Variants in NOL4L observed in about 807,000 individuals in gnomAD.
NOL4L encodes the protein nucleolar protein 4 like.
Under a neutral mutation model 64.5 loss-of-function variants are expected in NOL4L, and 7 were observed. The observed-to-expected ratio is 0.11, with a 90% CI of 0.06 to 0.20. The LOEUF (loss-of-function observed/expected upper bound fraction) is 0.20. NOL4L is among the 10% of genes least tolerant of loss of function. The probability of loss-of-function intolerance (pLI) is 1.00; values close to 1 mark genes in which losing one functional copy is unlikely to be tolerated. For missense variants in NOL4L, 680 were observed against 967.1 expected, an observed-to-expected ratio of 0.70 and a Z score of 3.94; for synonymous variants, 413 against 401.0, an observed-to-expected ratio of 1.03 and a Z score of -0.36.
chr20:32,564,735 T>C (rs1979313768), intron 1 of NOL4L, among the ~76,000 whole-genome samples: 1 of 152,220 alleles, frequency 6.6e-6, no homozygotes, highest in Non-Finnish European at 1.5e-5. Context: ...GTCTGGCCCT[T>C]CAAGGTGCTG....
chr20:32,484,952 A>G (rs1166014083), intron 4 of NOL4L, among the ~76,000 whole-genome samples: 1 of 146,588 alleles, frequency 6.8e-6, no homozygotes, highest in Non-Finnish European at 1.5e-5. Context: ...TTCCCACCCC[A>G]CCCCTCCAAA....
At chr20:32,558,935 C>T (rs561994683) in intron 1 of NOL4L, among the ~76,000 whole-genome samples, 2 of 152,188 alleles carry the variant, frequency 1.3e-5, no homozygotes, top group Non-Finnish European at 2.9e-5. Flanking sequence ...CCGCCGAGAA[C>T]CAGTGCAAGG....
intron 4 of NOL4L, among the ~76,000 whole-genome samples, chr20:32,480,330 C>T (rs1241889257): frequency 1.3e-5 from 2 of 152,186 alleles, no homozygotes; most frequent in Non-Finnish European, 2.9e-5. Context: ...TGACCAGGAG[C>T]CCTGGGTGTG....
chr20:32,454,122 A>C, intron 6 of NOL4L: 1 of 214,502 alleles, frequency 4.7e-6, no homozygotes, highest in Non-Finnish European at 9.4e-6. Flanking sequence ...CATGGAAAGG[A>C]CTCCCACCAC....
chr20:32,541,428 T>A (rs1196422473), intron 1 of NOL4L, among the ~76,000 whole-genome samples: 1 of 152,182 alleles, frequency 6.6e-6, no homozygotes, highest in Non-Finnish European at 1.5e-5. Flanking sequence ...AGGATCCCAG[T>A]CAAGTGCTCC....
intron 1 of NOL4L, among the ~76,000 whole-genome samples, chr20:32,574,507 C>T (rs996097601): frequency 2.0e-5 from 3 of 152,176 alleles, no homozygotes; most frequent in African/African-American, 4.8e-5. Context: ...CAGGGGCTCT[C>T]GGAAACACCC....
intron 1 of NOL4L, among the ~76,000 whole-genome samples, chr20:32,580,571 C>T (rs1339171432): frequency 6.6e-6 from 1 of 152,198 alleles, no homozygotes; most frequent in Non-Finnish European, 1.5e-5. Context: ...GTCCAGCTTG[C>T]AAAAGCCTGG....
At chr20:32,519,042 C>G (rs1267083388) in intron 3 of NOL4L, among the ~76,000 whole-genome samples, 1 of 152,230 alleles carries the variant, frequency 6.6e-6, no homozygotes, top group East Asian at 1.9e-4. Context: ...CCCCATTTCA[C>G]AGATGAGGGA....
chr20:32,462,232 G>T (rs1190976031), intron 5 of NOL4L, among the ~76,000 whole-genome samples: 3 of 152,228 alleles, frequency 2.0e-5, no homozygotes, highest in Non-Finnish European at 4.4e-5. Flanking sequence ...TAGAGGTTTT[G>T]GTGAGGGAGC....
chr20:32,473,764 CCCT>C (rs2015192229), intron 5 of NOL4L, among the ~76,000 whole-genome samples: 1 of 152,198 alleles, frequency 6.6e-6, no homozygotes, highest in African/African-American at 2.4e-5. Flanking sequence ...GACCTTCAAC[CCCT>C]CCTAATTGCT....
At chr20:32,518,555 G>A (rs1245859203) in intron 3 of NOL4L, among the ~76,000 whole-genome samples, 6 of 152,268 alleles carry the variant, frequency 3.9e-5, no homozygotes, top group Non-Finnish European at 8.8e-5. Context: ...TGTGTGGCAG[G>A]AGAGGGGAGC....
At chr20:32,514,736 G>A (rs1032279588) in intron 3 of NOL4L, among the ~76,000 whole-genome samples, 1 of 152,106 alleles carries the variant, frequency 6.6e-6, no homozygotes, top group Non-Finnish European at 1.5e-5. Flanking sequence ...CACATGTCAG[G>A]CAGGCAGTCT....
chr20:32,557,402 G>A lies in NOL4L; in HGVS notation c.321+27168C>T, dbSNP rs368664078. 3.3e-5 allele frequency among the ~76,000 whole-genome samples: 5 copies of A among 152,338 alleles called. No individual in the cohort carries two copies. The East Asian group carries it at 9.6e-4, about 29-fold the overall frequency. ...TATTTACTGCTTATACAGAAGAGACGCTCTGAAGGCAGAAGCCTCCTTGGC... is the reference window on the plus strand; with the variant it reads ...TATTTACTGCTTATACAGAAGAGACACTCTGAAGGCAGAAGCCTCCTTGGC... On this transcript the variant is annotated intron_variant, in intron 1 of 10. Transcript: ENST00000621426.
At chr20:32,540,525 A>G (rs1177087202) in intron 1 of NOL4L, among the ~76,000 whole-genome samples, 1 of 151,950 alleles carries the variant, frequency 6.6e-6, no homozygotes, top group African/African-American at 2.4e-5. Flanking sequence ...CGGCCCCCAC[A>G]CCTGCCCAGC....
At chr20:32,487,360 T>G (rs2145507755) in intron 4 of NOL4L, among the ~76,000 whole-genome samples, 1 of 16,898 alleles carries the variant, frequency 5.9e-5, no homozygotes, top group Admixed American at 8.0e-4. Flanking sequence ...GGACAAGGGG[T>G]GGGGGAGAGG....
chr20:32,458,250 G>A (rs1377645105), intron 5 of NOL4L, among the ~76,000 whole-genome samples: 7 of 152,208 alleles, frequency 4.6e-5, no homozygotes, highest in Non-Finnish European at 1.0e-4. Context: ...CCCCAGCCCA[G>A]CCTCACTATC....
At chr20:32,518,476 G>A (rs1389839560) in intron 3 of NOL4L, among the ~76,000 whole-genome samples, 1 of 152,228 alleles carries the variant, frequency 6.6e-6, no homozygotes, top group African/African-American at 2.4e-5. Context: ...CTGCAGCATG[G>A]GGAGACCTCG....
chr20:32,468,578 C>T (rs2014744046), intron 5 of NOL4L, among the ~76,000 whole-genome samples: 1 of 152,188 alleles, frequency 6.6e-6, no homozygotes, highest in African/African-American at 2.4e-5. Context: ...CCCTGAGGGG[C>T]ACCCTGCAGC....
In NOL4L at chr20:32,447,217, T is replaced by G; in HGVS notation, c.*379A>C. ...TCCACTTTGCTTTTCTCAATAAATA[T>G]GCAATTCTGCTCACCTAAGACTTGA... On this transcript the variant is annotated 3_prime_UTR_variant, in exon 11 of 11. Coordinates refer to ENST00000621426, the MANE Select transcript of NOL4L (RefSeq NM_001256798.2). 1 of 485,606 alleles carries G rather than the reference T, an allele frequency of 2.1e-6. No individual in the cohort carries two copies. Among genetic ancestry groups the G allele is most frequent in the East Asian group, 6.1e-5 (1 of 16,468 alleles). The allele number at this position is 485,606 out of a possible 1,614,324, so 30.1% of individuals were successfully genotyped here. A position where few individuals can be genotyped will look rare whatever the true frequency, so the allele number is the denominator to read the frequency against.
Sources: gnomAD v4.1 joint callset for allele counts (sites outside exome capture counted in the v4.1 genomes callset) on GRCh38, gnomAD v4.1.1 for gene constraint, MANE v1.5 for transcripts, NCBI Gene and HGNC (gene_info 2026-07-23, HGNC 2026-07-21) for gene names.